Variants in BRAF observed in about 807,000 individuals in gnomAD.
The protein encoded by BRAF is B-Raf proto-oncogene, serine/threonine kinase.
In BRAF, 16 loss-of-function variants were observed where a neutral mutation model predicts 104.6. The ratio of observed to expected loss-of-function variants is 0.15; its 90% confidence interval spans 0.10 to 0.23. The LOEUF (loss-of-function observed/expected upper bound fraction) is 0.23, where lower values mean the gene tolerates loss of function less well. Ranked by LOEUF, BRAF falls within the 10% of genes least tolerant of loss-of-function variation. The pLI is 1.00. For missense variants in BRAF, 541 were observed against 937.3 expected (o/e 0.58, Z 5.52); for synonymous variants, 310 against 341.6 (o/e 0.91, Z 1.02).
chr7:140,787,430 T>A (rs914583012), intron 9 of BRAF, 118 bp downstream of exon 9: 1 of 1,136,216 alleles, frequency 8.8e-7, no homozygotes, highest in Non-Finnish European at 1.3e-6. Flanking sequence ...AAATTTTGGG[T>A]TTCTCTACAC....
At chr7:140,729,745 T>G (rs1179428576) in intron 19 of BRAF, among the ~76,000 whole-genome samples, 1 of 152,102 alleles carries the variant, frequency 6.6e-6, no homozygotes, top group African/African-American at 2.4e-5. Flanking sequence ...ACCACTGCAC[T>G]CCAGCCTGGG....
intron 1 of BRAF, among the ~76,000 whole-genome samples, chr7:140,857,052 T>C (rs1175145400): frequency 2.0e-5 from 3 of 152,140 alleles, no homozygotes; most frequent in Non-Finnish European, 4.4e-5. Context: ...GTAAATGTTA[T>C]CCTATGTGGC....
intron 8 of BRAF, among the ~76,000 whole-genome samples, chr7:140,788,915 T>C (rs1212200516): frequency 6.6e-6 from 1 of 151,662 alleles, no homozygotes; most frequent in African/African-American, 2.4e-5. Context: ...ATTATTAAAA[T>C]ATAGCTCTTT....
At chr7:140,749,220 T>TA in intron 17 of BRAF, 67 bp downstream of exon 16, 1 of 1,599,306 alleles carries the variant, frequency 6.3e-7, no homozygotes, top group Non-Finnish European at 8.5e-7. Context: ...AGTTAACACT[T>TA]ATTTTCTACA....
At chr7:140,796,629 C>T (rs1449129181) in intron 7 of BRAF, among the ~76,000 whole-genome samples, 1 of 152,104 alleles carries the variant, frequency 6.6e-6, no homozygotes, top group East Asian at 1.9e-4. Flanking sequence ...ATGATATCTG[C>T]GTATTATACA....
At position 140,783,099 on chromosome 7, in the gene BRAF, G is replaced by T; in HGVS notation, c.1356C>A (p.Asn452Lys). The T allele has an allele frequency of 6.2e-7, 1 of 1,614,046 alleles. No individual in the cohort carries two copies. ...PPASLPGSLT[N>K]VKALQKSPGP... is the part of the protein sequence containing the mutation. Reference sequence around the variant, plus strand: ...CTGGAGATTTCTGTAAGGCTTTCACGTTAGTTAGTGAGCCAGGTAATGAGG... The same window carrying T: ...CTGGAGATTTCTGTAAGGCTTTCACTTTAGTTAGTGAGCCAGGTAATGAGG... The change falls in exon 11 of 20, where the codon AAC (asparagine) becomes AAA (lysine). Residue 452 changes from asparagine to lysine, a missense_variant. Coordinates refer to ENST00000644969, the MANE Select transcript of BRAF (RefSeq NM_001374258.1).
rs1795393069 is a variant in BRAF at position 140,723,014 on chromosome 7, G to A, written c.*3480C>T. The A allele has an allele frequency of 9.5e-7, 1 of 1,053,074 alleles. No individual in the cohort carries two copies. Among genetic ancestry groups the A allele is most frequent in the Non-Finnish European group, 1.1e-6 (1 of 871,680 alleles). 65.2% of individuals were successfully genotyped at this position (1,053,074 alleles called of 1,614,324 possible). ...AGTTAAAATCTTAAATCATCGTCAT[G>A]TTCTAGAGCTCCTGACTTTTCATAT... On this transcript the variant is annotated 3_prime_UTR_variant, in exon 20 of 20. Coordinates refer to ENST00000644969, the MANE Select transcript of BRAF (RefSeq NM_001374258.1).
intron 1 of BRAF, among the ~76,000 whole-genome samples, chr7:140,901,320 C>A (rs1365960600): frequency 6.6e-6 from 1 of 152,162 alleles, no homozygotes; most frequent in Non-Finnish European, 1.5e-5. Context: ...ACAAGTGGAT[C>A]TGAATGTGAG....
At chr7:140,913,353 T>C (rs1490457275) in intron 1 of BRAF, among the ~76,000 whole-genome samples, 2 of 151,642 alleles carry the variant, frequency 1.3e-5, no homozygotes, top group African/African-American at 2.4e-5. Flanking sequence ...ACCTGGCATA[T>C]AGTAGGCACT....
intron 18 of BRAF, among the ~76,000 whole-genome samples, chr7:140,738,364 C>T (rs544882736): frequency 3.3e-5 from 5 of 152,232 alleles, no homozygotes; most frequent in Admixed American, 1.3e-4. Flanking sequence ...ATTCCTGTAA[C>T]ATTGACTTCT....
chr7:140,731,703 G>C (rs1795976800), intron 19 of BRAF: 1 of 152,074 alleles, frequency 6.6e-6, no homozygotes, highest in South Asian at 2.1e-4. Context: ...AAATAAAAAA[G>C]ATTAAATGGC....
chr7:140,839,560 T>C (rs1807708920), intron 2 of BRAF, among the ~76,000 whole-genome samples: 1 of 151,488 alleles, frequency 6.6e-6, no homozygotes, highest in Non-Finnish European at 1.5e-5. Flanking sequence ...TGAAACCCCA[T>C]CTCTAAAAAA....
rs1430886317 is a variant in BRAF, at chr7:140,924,144, G to A, written c.138+422C>T. 6.6e-6 allele frequency among the ~76,000 whole-genome samples: 1 copy of A among 152,130 alleles called. No individual in the cohort carries two copies. The highest frequency in any genetic ancestry group is 2.4e-5 in the African/African-American group (1 of 41,418). On this transcript the variant is annotated intron_variant, in intron 1 of 19. Coordinates refer to ENST00000644969, the MANE Select transcript of BRAF (RefSeq NM_001374258.1). This position sits in a 1 kb window ranked among gnomAD's most constrained non-coding sequence, Gnocchi z 4.2. ...CCCCACGACCATGTAAGAATTACAC[G>A]CGACAGTAACTCGGGCTGTTGTCTC...
At chr7:140,856,693 G>C (rs1410874911) in intron 1 of BRAF, among the ~76,000 whole-genome samples, 1 of 152,142 alleles carries the variant, frequency 6.6e-6, no homozygotes, top group Non-Finnish European at 1.5e-5. Flanking sequence ...TGGAAAATAT[G>C]AAAGACACGA....
intron 18 of BRAF, among the ~76,000 whole-genome samples, chr7:140,739,529 G>C (rs58194061): frequency 7.1e-6 from 1 of 141,774 alleles, no homozygotes; most frequent in Non-Finnish European, 1.6e-5. Flanking sequence ...TGGGGGGGGG[G>C]GTCTTCGATA....
chr7:140,872,122 G>A (rs1349577504), intron 1 of BRAF, among the ~76,000 whole-genome samples: 1 of 152,238 alleles, frequency 6.6e-6, no homozygotes, highest in Admixed American at 6.5e-5. Flanking sequence ...GGCTGAAGCA[G>A]GAGAATCATT....
rs927028328 is a variant in BRAF at position 140,722,945 on chromosome 7, C to T, written c.*3549G>A. The T allele has an allele frequency of 1.9e-6, 2 of 1,054,478 alleles. No homozygotes were observed. The highest frequency in any genetic ancestry group is 1.1e-4 in the Admixed American group (2 of 18,302). The allele number at this position is 1,054,478 out of a possible 1,614,324, so 65.3% of individuals were successfully genotyped here. A position where few individuals can be genotyped will look rare whatever the true frequency, so the allele number is the denominator to read the frequency against. On this transcript the variant is annotated 3_prime_UTR_variant, in exon 20 of 20. Coordinates refer to ENST00000644969, the MANE Select transcript of BRAF (RefSeq NM_001374258.1). ...GTATTACTGCTTAAATGTATAATGC[C>T]CTTTAGGACAAAATGAGAGTGCTCA...
chr7:140,754,368 C>G, intron 14 of BRAF, 135 bp from the exon 14 acceptor site: 4 of 751,808 alleles, frequency 5.3e-6, no homozygotes, highest in Admixed American at 2.0e-5. Context: ...GTAATAAACC[C>G]TTCACAGAAT....
At chr7:140,752,012 T>G (rs938281866) in intron 16 of BRAF, among the ~76,000 whole-genome samples, 27 of 152,218 alleles carry the variant, frequency 1.8e-4, no homozygotes, top group Admixed American at 3.3e-4. Context: ...TTGAGGATGA[T>G]AAAGAACTTT....
Sources: allele counts gnomAD v4.1 joint callset (sites outside exome capture counted in the v4.1 genomes callset), GRCh38; gene constraint gnomAD v4.1.1; non-coding constraint Gnocchi (gnomAD v3.1); transcripts MANE v1.5; gene names NCBI Gene and HGNC (gene_info 2026-07-23, HGNC 2026-07-21).